The following THEM4 variants were observed in gnomAD, a reference collection of about 807,000 sequenced individuals.
The protein encoded by THEM4 is thioesterase superfamily member 4.
A neutral mutation model predicts 25.0 loss-of-function variants in THEM4; 22 were observed. That is an observed-to-expected ratio of 0.88 (90% CI 0.63 to 1.26). The LOEUF is 1.26. Among genes scored for constraint, THEM4 ranks in the 50% most tolerant of loss-of-function variants. THEM4 has a pLI of 0.00. For missense variants in THEM4, 286 were observed against 300.3 expected, an observed-to-expected ratio of 0.95 and a Z score of 0.35; for synonymous variants, 113 against 105.6, an observed-to-expected ratio of 1.07 and a Z score of -0.43.
In THEM4 at chr1:151,872,227, T is replaced by C. The variant is rs1653570071; in HGVS notation, c.*2661A>G. Among the ~76,000 whole-genome samples, 1 of 152,178 alleles carries C rather than the reference T, an allele frequency of 6.6e-6. No homozygotes were observed. Among genetic ancestry groups the C allele is most frequent in the African/African-American group, 2.4e-5 (1 of 41,446 alleles). On this transcript the variant is annotated 3_prime_UTR_variant, in exon 6 of 6. Coordinates refer to ENST00000368814, the MANE Select transcript of THEM4 (RefSeq NM_053055.5). Reference sequence around the variant, plus strand: ...GGCTTCCAGGATGTGGGTCTTCCTCTGGCTTGGCCATCCCAGGTCAGTCAG... The same window carrying C: ...GGCTTCCAGGATGTGGGTCTTCCTCCGGCTTGGCCATCCCAGGTCAGTCAG...
intron 2 of THEM4, chr1:151,891,350 T>C (rs1039500983): frequency 3.3e-5 from 5 of 152,192 alleles, no homozygotes; most frequent in African/African-American, 1.2e-4. Flanking sequence ...AGACAGGAGA[T>C]GAAACTACAA....
intron 4 of THEM4, among the ~76,000 whole-genome samples, chr1:151,877,792 A>G (rs1305138932): frequency 6.6e-6 from 1 of 152,216 alleles, no homozygotes; most frequent in Non-Finnish European, 1.5e-5. Context: ...AAATAGCTAC[A>G]TGTGACTAGT....
rs990893769 is a variant in THEM4, at chr1:151,873,173, C to T, written c.*1715G>A. On this transcript the variant is annotated 3_prime_UTR_variant, in exon 6 of 6. Coordinates refer to ENST00000368814, the MANE Select transcript of THEM4 (RefSeq NM_053055.5). ...TGGAGAGAAGCATAAATCTGGCCTA[C>T]GTACACATCTGGGCATAGTACCTTC... 7.9e-5 allele frequency among the ~76,000 whole-genome samples: 12 copies of T among 152,166 alleles called. No individual in the cohort carries two copies. The highest frequency in any genetic ancestry group is 6.5e-4 in the Admixed American group (10 of 15,270).
At chr1:151,878,468 G>A (rs756629418) in intron 4 of THEM4, among the ~76,000 whole-genome samples, 10 of 152,356 alleles carry the variant, frequency 6.6e-5, no homozygotes, top group African/African-American at 1.4e-4. Context: ...GAAAGGCTAC[G>A]TAAGGATGAA....
chr1:151,896,626 C>T (rs1410221942), intron 1 of THEM4, among the ~76,000 whole-genome samples: 1 of 152,148 alleles, frequency 6.6e-6, no homozygotes, highest in Non-Finnish European at 1.5e-5. Context: ...AAAACCTTAA[C>T]ACTAAGCTAA....
At chr1:151,894,721 G>C in intron 2 of THEM4, 2 of 566,106 alleles carry the variant, frequency 3.5e-6, no homozygotes, top group Non-Finnish European at 6.2e-6. Context: ...TCAAGACGGA[G>C]AGGTGATGAG....
At chr1:151,898,975 T>C (rs1408789999) in intron 1 of THEM4, among the ~76,000 whole-genome samples, 1 of 152,198 alleles carries the variant, frequency 6.6e-6, no homozygotes, top group Non-Finnish European at 1.5e-5. Context: ...AGAGTCTACC[T>C]ACCCAAATGA....
At position 151,872,129 on chromosome 1, in the gene THEM4, C is replaced by T. The variant is rs1291662073; in HGVS notation, c.*2759G>A. On this transcript the variant is annotated 3_prime_UTR_variant, in exon 6 of 6. Coordinates refer to ENST00000368814, the MANE Select transcript of THEM4 (RefSeq NM_053055.5). The stretch of plus-strand genomic sequence containing the variant: ...AATTTCTGGGAGAAGGAACTGCCAG[C>T]TTCACCCCTGCAGTGCCCCCATGTC... 6.6e-6 allele frequency among the ~76,000 whole-genome samples: 1 copy of T among 151,576 alleles called. No individual in the cohort carries two copies. Among genetic ancestry groups the T allele is most frequent in the Non-Finnish European group, 1.5e-5 (1 of 68,032 alleles).
At chr1:151,889,182 T>A in intron 3 of THEM4, 32 bp downstream of exon 3, 1 of 1,604,832 alleles carries the variant, frequency 6.2e-7, no homozygotes, top group Middle Eastern at 2.3e-4. Flanking sequence ...TAAAAATCTT[T>A]TAGATCCACA....
chr1:151,889,528 A>G (rs1250694059), intron 2 of THEM4, 155 bp from the exon 3 acceptor site: 2 of 645,886 alleles, frequency 3.1e-6, no homozygotes, highest in African/African-American at 3.6e-5. Context: ...GAGCGTCTCA[A>G]TGAAACAGAA....
chr1:151,888,227 G>C (rs1284927088), intron 4 of THEM4, 46 bp downstream of exon 4: 2 of 1,494,216 alleles, frequency 1.3e-6, no homozygotes, highest in Non-Finnish European at 1.8e-6. Flanking sequence ...CTGGGAACCT[G>C]ACTTAACAAC....
chr1:151,892,809 A>G (rs1310002708), intron 2 of THEM4, among the ~76,000 whole-genome samples: 1 of 152,142 alleles, frequency 6.6e-6, no homozygotes, highest in African/African-American at 2.4e-5. Context: ...TAAAGCTGAG[A>G]GACTGCATGA....
chr1:151,901,826 A>G (rs1009087034), intron 1 of THEM4, among the ~76,000 whole-genome samples: 3 of 152,180 alleles, frequency 2.0e-5, no homozygotes, highest in Non-Finnish European at 4.4e-5. Context: ...CTGGGCAACA[A>G]GAGCGAAACT....
At position 151,874,626 on chromosome 1, in the gene THEM4, C is replaced by G; in HGVS notation, c.*262G>C. The G allele has an allele frequency of 2.0e-6, 1 of 508,672 alleles. No individual in the cohort carries two copies. 31.5% of individuals were successfully genotyped at this position (508,672 alleles called of 1,614,324 possible). ...CTGAGCTCAGGCAATCCGCCTGCCTCGGCCTCCTAAAGTGCTGGGATTATA... is the reference window on the plus strand; with the variant it reads ...CTGAGCTCAGGCAATCCGCCTGCCTGGGCCTCCTAAAGTGCTGGGATTATA... On this transcript the variant is annotated 3_prime_UTR_variant, in exon 6 of 6. Coordinates refer to ENST00000368814, the MANE Select transcript of THEM4 (RefSeq NM_053055.5).
chr1:151,881,285 A>G (rs1403604735), intron 4 of THEM4, among the ~76,000 whole-genome samples: 1 of 152,190 alleles, frequency 6.6e-6, no homozygotes, highest in East Asian at 1.9e-4. Context: ...TTCTTGCATC[A>G]ACCTCCCAAG....
chr1:151,901,277 G>A (rs895231354), intron 1 of THEM4, among the ~76,000 whole-genome samples: 1 of 152,176 alleles, frequency 6.6e-6, no homozygotes, highest in African/African-American at 2.4e-5. Flanking sequence ...GATAGCACTA[G>A]ACAAGTCATC....
chr1:151,895,525 T>G (rs1654203841), intron 1 of THEM4, among the ~76,000 whole-genome samples: 1 of 152,128 alleles, frequency 6.6e-6, no homozygotes, highest in Non-Finnish European at 1.5e-5. Flanking sequence ...AGAACAGGCA[T>G]TATCTTCCAT....
intron 2 of THEM4, chr1:151,890,934 T>C (rs1654080878): frequency 6.6e-6 from 1 of 152,214 alleles, no homozygotes. Context: ...TAAGTGCTTA[T>C]AATTGTTTTA....
chr1:151,902,454 G>A (rs888719309), intron 1 of THEM4, among the ~76,000 whole-genome samples: 3 of 151,994 alleles, frequency 2.0e-5, no homozygotes, highest in Admixed American at 6.6e-5. Flanking sequence ...CTATGAGGAC[G>A]CAAAGGCATA....
Sources: gnomAD v4.1 joint callset for allele counts (sites outside exome capture counted in the v4.1 genomes callset) on GRCh38, gnomAD v4.1.1 for gene constraint, MANE v1.5 for transcripts, NCBI Gene and HGNC (gene_info 2026-07-23, HGNC 2026-07-21) for gene names.